The following PVALEF variants were observed in gnomAD, a reference collection of about 807,000 sequenced individuals.
PVALEF encodes parvalbumin like EF-hand containing.
A neutral mutation model predicts 1.2 loss-of-function variants in PVALEF; 2 were observed. The observed-to-expected ratio is 1.68, with a 90% CI of 0.69 to 5.28. The LOEUF (loss-of-function observed/expected upper bound fraction) is 5.28. PVALEF is among the 30% of genes most tolerant of loss of function. The probability of loss-of-function intolerance (pLI) is 0.06; values close to 1 mark genes in which losing one functional copy is unlikely to be tolerated. For missense variants in PVALEF, 35 were observed against 17.7 expected (o/e 1.97, Z -1.75); for synonymous variants, 16 against 6.5 (o/e 2.47, Z -2.24).
At chr17:81,165,792 G>T (rs1440097957) in intron 1 of PVALEF, 45 bp downstream of exon 1, 4 of 1,501,676 alleles carry the variant, frequency 2.7e-6, no homozygotes, top group Non-Finnish European at 2.7e-6. Flanking sequence ...ATCTGGGGCC[G>T]CCAGGGGGTC....
intron 2 of PVALEF, among the ~76,000 whole-genome samples, chr17:81,168,225 ATGACCAGGGCCAGAAACAGCTTGCTG>A: frequency 6.6e-6 from 1 of 152,168 alleles, no homozygotes; most frequent in East Asian, 1.9e-4. Context: ...CCCTGCCTTG[ATGACCAGGGCCAGAAACAGCTTGCTG>A]TGACCAGGGG....
chr17:81,168,718 C>T (rs1473003574), intron 2 of PVALEF, among the ~76,000 whole-genome samples: 1 of 151,930 alleles, frequency 6.6e-6, no homozygotes, highest in Admixed American at 6.6e-5. Context: ...CATTGCCCGT[C>T]GAAGAGGAAA....
chr17:81,168,296 A>G (rs1191419116), intron 2 of PVALEF, among the ~76,000 whole-genome samples: 1 of 152,160 alleles, frequency 6.6e-6, no homozygotes, highest in Admixed American at 6.5e-5. Flanking sequence ...GAACACACAC[A>G]TGTACACTTG....
intron 4 of PVALEF, 32 bp downstream of exon 4, chr17:81,181,364 C>A: frequency 1.6e-6 from 1 of 630,110 alleles, no homozygotes; most frequent in Non-Finnish European, 2.9e-6. Flanking sequence ...CGCGGCCCCC[C>A]GCCCGTCCAG....
intron 2 of PVALEF, among the ~76,000 whole-genome samples, chr17:81,177,778 A>T (rs1227624523): frequency 6.6e-6 from 1 of 152,212 alleles, no homozygotes; most frequent in Non-Finnish European, 1.5e-5. Context: ...TGATTGCTTC[A>T]TCTCATCCAA....
Position 81,166,804 on chromosome 17 carries a change from A to T in PVALEF, c.-380A>T, listed in dbSNP as rs1263922195. 4.4e-6 allele frequency: 2 copies of T among 455,252 alleles called. No individual in the cohort carries two copies. The highest frequency in any genetic ancestry group is 8.9e-6 in the Non-Finnish European group (2 of 225,902). 28.2% of individuals were successfully genotyped at this position (455,252 alleles called of 1,614,324 possible). A position where few individuals can be genotyped will look rare whatever the true frequency, so the allele number is the denominator to read the frequency against. On this transcript the variant is annotated 5_prime_UTR_variant, in exon 2 of 7. Transcript: ENST00000637878. ...TACCGTGCTGCGACAGCCATGAAGG[A>T]AGAACCTGGCTGAGTCTCCACCTGC...
intron 2 of PVALEF, among the ~76,000 whole-genome samples, chr17:81,174,623 C>G (rs1158760748): frequency 6.8e-6 from 1 of 147,936 alleles, no homozygotes; most frequent in Admixed American, 6.8e-5. Context: ...GAGCAAGACT[C>G]CACCTCAAAA....
chr17:81,181,337 A>G lies in PVALEF; in HGVS notation c.106+5A>G, dbSNP rs1225155252. The G allele has an allele frequency of 6.1e-6, 4 of 654,860 alleles. No homozygotes were observed. Among genetic ancestry groups the G allele is most frequent in the Non-Finnish European group, 1.1e-5 (4 of 360,136 alleles). 40.6% of individuals were successfully genotyped at this position (654,860 alleles called of 1,614,324 possible). A position where few individuals can be genotyped will look rare whatever the true frequency, so the allele number is the denominator to read the frequency against. On this transcript the variant is annotated splice_donor_5th_base_variant and intron_variant, in intron 4 of 6. Coordinates refer to ENST00000637878, the MANE Select transcript of PVALEF (RefSeq NM_001354639.2). ...CCACAGACATGAGACACCACGGTAC[A>G]GCATGCCCCCGCCCGGCGCGGCCCC...
rs953394682 is a variant in PVALEF, at chr17:81,182,089, C to A, written c.358+8C>A. On this transcript the variant is annotated splice_region_variant and intron_variant, in intron 6 of 6. Transcript: ENST00000637878. ...GGAGGATCAACTACGAAGGTGGGGG[C>A]AGCACAGCCGGGGCACCCTCAGGAC... 2 of 398,622 alleles carry A rather than the reference C, an allele frequency of 5.0e-6. No homozygotes were observed. The highest frequency in any genetic ancestry group is 8.8e-6 in the Non-Finnish European group (2 of 226,172). 24.7% of individuals were successfully genotyped at this position (398,622 alleles called of 1,614,324 possible).
At position 81,182,101 on chromosome 17, in the gene PVALEF, G is replaced by A; in HGVS notation, c.358+20G>A. On this transcript the variant is annotated intron_variant, in intron 6 of 6. Coordinates refer to ENST00000637878, the MANE Select transcript of PVALEF (RefSeq NM_001354639.2). ...ACGAAGGTGGGGGCAGCACAGCCGGGGCACCCTCAGGACCCTCCTTCCCCT... is the reference window on the plus strand; with the variant it reads ...ACGAAGGTGGGGGCAGCACAGCCGGAGCACCCTCAGGACCCTCCTTCCCCT... 5.0e-6 allele frequency: 2 copies of A among 398,682 alleles called. No homozygotes were observed. Among genetic ancestry groups the A allele is most frequent in the African/African-American group, 2.1e-5 (1 of 48,742 alleles). 24.7% of individuals were successfully genotyped at this position (398,682 alleles called of 1,614,324 possible).
At chr17:81,181,783 G>T (rs1013185804) in intron 5 of PVALEF, 89 bp downstream of exon 5, 1 of 398,298 alleles carries the variant, frequency 2.5e-6, no homozygotes, top group Admixed American at 4.4e-5. Context: ...TCCCCCACCG[G>T]GTCCCCGCTG....
At chr17:81,169,381 C>T (rs533981249) in intron 2 of PVALEF, among the ~76,000 whole-genome samples, 5 of 151,802 alleles carry the variant, frequency 3.3e-5, no homozygotes, top group East Asian at 1.9e-4. Context: ...GGGCGGACCG[C>T]GAGGTCAGGA....
intron 2 of PVALEF, among the ~76,000 whole-genome samples, chr17:81,167,857 G>A (rs1057377980): frequency 1.3e-5 from 2 of 152,232 alleles, no homozygotes; most frequent in Admixed American, 6.5e-5. Flanking sequence ...GGCCTTGCCC[G>A]CAGGAGGCAC....
At chr17:81,166,393 G>A (rs2061491671) in intron 1 of PVALEF, among the ~76,000 whole-genome samples, 1 of 85,566 alleles carries the variant, frequency 1.2e-5, no homozygotes, top group Admixed American at 1.0e-4. Flanking sequence ...GGGGAGGCAT[G>A]GAGGAGGGGG....
intron 3 of PVALEF, among the ~76,000 whole-genome samples, chr17:81,179,756 C>T (rs1045965531): frequency 1.3e-5 from 2 of 152,118 alleles, no homozygotes; most frequent in African/African-American, 2.4e-5. Context: ...CCACAGCTTC[C>T]GAGAATGGAA....
chr17:81,181,251 A>G lies in PVALEF; in HGVS notation c.25A>G (p.Met9Val). ...GATGGAGGAGGACTTCTCCTCCCAG[A>G]TGAAGAAGATGGCCTTGGCCATGGG... is the stretch of plus-strand genomic sequence containing the variant. MEEDFSSQ[M>V]KKMALAMGTS... is the part of the protein sequence containing the mutation. Residue 9 changes from methionine to valine, a missense_variant, in exon 4 of 7, where the codon ATG (methionine) becomes GTG (valine). Physicochemically the swap from Met to Val is conservative, Grantham distance 21. Transcript: ENST00000637878. 2 of 702,720 alleles carry G rather than the reference A, an allele frequency of 2.8e-6. No homozygotes were observed. Among genetic ancestry groups the G allele is most frequent in the South Asian group, 1.5e-5 (1 of 67,312 alleles). The allele number at this position is 702,720 out of a possible 1,614,324, so 43.5% of individuals were successfully genotyped here.
chr17:81,182,149 T>C (rs1271654088), intron 6 of PVALEF, 68 bp downstream of exon 6: 4 of 398,000 alleles, frequency 1.0e-5, no homozygotes, highest in Admixed American at 8.8e-5. Flanking sequence ...CCCTTGCCCA[T>C]GGCCCCGCCC....
chr17:81,171,005 C>A (rs910033716), intron 2 of PVALEF, among the ~76,000 whole-genome samples: 1 of 152,188 alleles, frequency 6.6e-6, no homozygotes, highest in Non-Finnish European at 1.5e-5. Flanking sequence ...TGGCCTCCCC[C>A]TTGCCCCGCA....
rs1156467132 is a variant in PVALEF, at chr17:81,179,052, A to G, written c.-205A>G. 2.4e-5 allele frequency: 11 copies of G among 454,848 alleles called. No individual in the cohort carries two copies. The East Asian group carries it at 7.7e-4, about 32-fold the overall frequency. The allele number at this position is 454,848 out of a possible 1,614,324, so 28.2% of individuals were successfully genotyped here. A position where few individuals can be genotyped will look rare whatever the true frequency, so the allele number is the denominator to read the frequency against. On this transcript the variant is annotated 5_prime_UTR_variant, in exon 3 of 7. Coordinates refer to ENST00000637878, the MANE Select transcript of PVALEF (RefSeq NM_001354639.2). ...AGGGGCGAGGACAGCTGCAGCCCCG[A>G]GATGTAAACAGGCTTGCAGGTATAA...
Sources: gnomAD v4.1 joint callset for allele counts (sites outside exome capture counted in the v4.1 genomes callset) on GRCh38, gnomAD v4.1.1 for gene constraint, MANE v1.5 for transcripts, NCBI Gene and HGNC (gene_info 2026-07-23, HGNC 2026-07-21) for gene names.